Variants in REL observed in about 807,000 individuals in gnomAD.
REL encodes proto-oncogene c-Rel.
REL carries 15 observed loss-of-function variants against 45.9 expected under a neutral mutation model. The observed-to-expected ratio is 0.33, with a 90% CI of 0.22 to 0.50. The LOEUF (loss-of-function observed/expected upper bound fraction) is 0.50. REL is among the 20% of genes least tolerant of loss of function. REL has a pLI of 0.98. For missense variants in REL, 601 were observed against 715.2 expected, an observed-to-expected ratio of 0.84 and a Z score of 1.82; for synonymous variants, 239 against 242.1, an observed-to-expected ratio of 0.99 and a Z score of 0.12.
chr2:60,918,258 A>C lies in REL; in HGVS notation c.603A>C (p.Gly201=). The change falls in exon 6 of 10, where the codon GGA becomes GGC. Residue 201 remains glycine (G), a synonymous_variant. Transcript: ENST00000394479. ...AGAATTGTGGAAGTGTCAGAGGAGG[A>C]GATGAAATATTTCTACTTTGTGACA... The part of the protein sequence containing the change: ...VNKNCGSVRG[G]DEIFLLCDKV... The C allele has an allele frequency of 6.2e-7, 1 of 1,608,592 alleles. No individual in the cohort carries two copies. Among genetic ancestry groups the C allele is most frequent in the Non-Finnish European group, 8.5e-7 (1 of 1,176,258 alleles).
chr2:60,908,348 T>G (rs1231772802), intron 4 of REL, among the ~76,000 whole-genome samples: 1 of 152,212 alleles, frequency 6.6e-6, no homozygotes, highest in Non-Finnish European at 1.5e-5. Flanking sequence ...TAGTGTGTTT[T>G]AAGGCCGGCC....
intron 1 of REL, among the ~76,000 whole-genome samples, chr2:60,883,108 AAAGGC>A (rs1451095815): frequency 6.6e-6 from 1 of 152,154 alleles, no homozygotes; most frequent in Non-Finnish European, 1.5e-5. Flanking sequence ...CAGCGTGAGC[AAAGGC>A]AGGGAGGGCT....
chr2:60,912,567 A>T (rs1673849453), intron 4 of REL, among the ~76,000 whole-genome samples: 1 of 152,178 alleles, frequency 6.6e-6, no homozygotes, highest in Admixed American at 6.5e-5. Flanking sequence ...AATATAAAAG[A>T]TCTTCTGAAG....
In REL at chr2:60,930,616, A is replaced by T. The variant is rs1450653456; in HGVS notation, c.*8081A>T. The T allele has an allele frequency of 6.6e-6, 1 of 152,318 alleles. No individual in the cohort carries two copies. Among genetic ancestry groups the T allele is most frequent in the Non-Finnish European group, 1.5e-5 (1 of 68,026 alleles). 9.4% of individuals were successfully genotyped at this position (152,318 alleles called of 1,614,324 possible). A position where few individuals can be genotyped will look rare whatever the true frequency, so the allele number is the denominator to read the frequency against. ...AATCTTGAAAGTAATCATGTCTGTA[A>T]TGTTTTTCATGCATGCAAAAAGCAC... is the stretch of plus-strand genomic sequence containing the variant. On this transcript the variant is annotated 3_prime_UTR_variant, in exon 10 of 10. Transcript: ENST00000394479.
In REL at chr2:60,891,693, C is replaced by A; in HGVS notation, c.21C>A (p.Asn7Lys). MASGAY[N>K]PYIEIIEQPR... ...TTAAAAACTTTTCAGGTGCGTATAA[C>A]CCGTATATAGAGATAATTGAACAAC... The change falls in exon 2 of 10, where the codon AAC (asparagine) becomes AAA (lysine). Residue 7 changes from asparagine (N) to lysine (K), a missense_variant. This residue lies in a region of REL where 24 missense variants were observed against 18.2 expected (regional missense o/e 1.32). Coordinates refer to ENST00000394479, the MANE Select transcript of REL (RefSeq NM_001291746.2). 1 of 1,612,208 alleles carries A rather than the reference C, an allele frequency of 6.2e-7. No individual in the cohort carries two copies. The highest frequency in any genetic ancestry group is 1.3e-5 in the African/African-American group (1 of 74,936).
chr2:60,883,611 T>C (rs574843349), intron 1 of REL, among the ~76,000 whole-genome samples: 2 of 152,374 alleles, frequency 1.3e-5, no homozygotes, highest in African/African-American at 2.4e-5. Flanking sequence ...TCAAACTTTA[T>C]TGATATATTG....
intron 5 of REL, among the ~76,000 whole-genome samples, chr2:60,917,623 C>T (rs537193374): frequency 6.8e-6 from 1 of 147,134 alleles, no homozygotes; most frequent in African/African-American, 2.5e-5. Flanking sequence ...CAAATGCTGG[C>T]TCAAAGGATA....
chr2:60,900,899 C>A, intron 3 of REL, 93 bp from the exon 4 acceptor site: 1 of 1,034,632 alleles, frequency 9.7e-7, no homozygotes, highest in Non-Finnish European at 1.4e-6. Context: ...GTACAACTGA[C>A]AGCATGATAA....
At chr2:60,920,202 GTTGT>G (rs776544763) in intron 8 of REL, 93 bp downstream of exon 8, 116 of 1,091,394 alleles carry the variant, frequency 1.1e-4, no homozygotes, top group East Asian at 8.6e-4. Flanking sequence ...GTTTTGTTTT[GTTGT>G]TTGTTTGTTT....
rs1313998942 is a variant in REL at position 60,928,415 on chromosome 2, T to C, written c.*5880T>C. The C allele has an allele frequency of 1.3e-5, 2 of 151,598 alleles. No individual in the cohort carries two copies. Among genetic ancestry groups the C allele is most frequent in the Non-Finnish European group, 3.0e-5 (2 of 67,792 alleles). 9.4% of individuals were successfully genotyped at this position (151,598 alleles called of 1,614,324 possible). ...AGCTGGAGGCATCACACTACCTGAC[T>C]TCAAACTATACTACAAGGCTACAGT... On this transcript the variant is annotated 3_prime_UTR_variant, in exon 10 of 10. Transcript: ENST00000394479.
At position 60,922,431 on chromosome 2, in the gene REL, C is replaced by G. The variant is rs757632434; in HGVS notation, c.1660C>G (p.Pro554Ala). ...NESGPSNSTN[P>A]NSHGFVQDSQ... ...GTCGGGACCATCAAACAGTACTAAT[C>G]CAAACAGTCATGGTTTTGTTCAAGA... is the stretch of plus-strand genomic sequence containing the variant. The change falls in exon 10 of 10, where the codon CCA (proline) becomes GCA (alanine). Residue 554 changes from proline (P) to alanine (A), a missense_variant. Pro to Ala is a conservative substitution (Grantham distance 27). Transcript: ENST00000394479. 1.2e-6 allele frequency: 2 copies of G among 1,613,976 alleles called. No homozygotes were observed. The highest frequency in any genetic ancestry group is 2.7e-5 in the African/African-American group (2 of 75,016).
chr2:60,885,297 C>G (rs1461247059), intron 1 of REL, among the ~76,000 whole-genome samples: 1 of 152,158 alleles, frequency 6.6e-6, no homozygotes, highest in African/African-American at 2.4e-5. Context: ...TCATATTTAT[C>G]TGGGCCTCCT....
chr2:60,894,418 G>T lies in REL; in HGVS notation c.175G>T (p.Gly59Ter). ...TCAGATTATGAACTATTATGGAAAA[G>T]GAAAAGTGAGAATTACATTAGTAAC... ...SIQIMNYYGKGKVRITLVTKN... is the reference protein window; with the variant it reads ...SIQIMNYYGK The change falls in exon 3 of 10, where the codon GGA becomes TGA. Residue 59 changes from glycine (G) to a stop codon, truncating the protein, a stop_gained. Transcript: ENST00000394479. LOFTEE classifies it high-confidence loss of function. 1 of 1,564,442 alleles carries T rather than the reference G, an allele frequency of 6.4e-7. No individual in the cohort carries two copies. Among genetic ancestry groups the T allele is most frequent in the Non-Finnish European group, 8.7e-7 (1 of 1,149,050 alleles).
intron 4 of REL, among the ~76,000 whole-genome samples, chr2:60,909,361 A>T (rs917526241): frequency 6.6e-6 from 1 of 152,204 alleles, no homozygotes; most frequent in African/African-American, 2.4e-5. Flanking sequence ...ATTATTATAC[A>T]TAGGGGATAC....
intron 4 of REL, among the ~76,000 whole-genome samples, chr2:60,904,428 G>T (rs1048248889): frequency 6.6e-6 from 1 of 151,138 alleles, no homozygotes; most frequent in East Asian, 1.9e-4. Flanking sequence ...AAAATTAGCC[G>T]GGCGTGGTGG....
rs948867065 is a variant in REL, at chr2:60,926,766, A to G, written c.*4231A>G. On this transcript the variant is annotated 3_prime_UTR_variant, in exon 10 of 10. Coordinates refer to ENST00000394479, the MANE Select transcript of REL (RefSeq NM_001291746.2). ...GTATTGTATTCTTTTTCTCCATCACACTCATACTTAATCATCAAGTCCTTT... is the reference window on the plus strand; with the variant it reads ...GTATTGTATTCTTTTTCTCCATCACGCTCATACTTAATCATCAAGTCCTTT... 2.6e-5 allele frequency: 6 copies of G among 227,702 alleles called. No homozygotes were observed. The highest frequency in any genetic ancestry group is 5.2e-5 in the Non-Finnish European group (6 of 114,678). The allele number at this position is 227,702 out of a possible 1,614,324, so 14.1% of individuals were successfully genotyped here. A position where few individuals can be genotyped will look rare whatever the true frequency, so the allele number is the denominator to read the frequency against.
chr2:60,883,844 CTT>C (rs71402307), intron 1 of REL, among the ~76,000 whole-genome samples: 6 of 126,572 alleles, frequency 4.7e-5, no homozygotes, highest in South Asian at 2.6e-4. Context: ...GGGTGATTAA[CTT>C]TTTTTTTTTT....
intron 1 of REL, among the ~76,000 whole-genome samples, chr2:60,884,901 T>G (rs1037048743): frequency 3.9e-5 from 6 of 152,192 alleles, no homozygotes; most frequent in African/African-American, 1.4e-4. Context: ...TGAGGCAACT[T>G]AATCTTTAAT....
rs995584054 is a variant in REL at position 60,929,572 on chromosome 2, C to G, written c.*7037C>G. 51 of 150,304 alleles carry G rather than the reference C, an allele frequency of 3.4e-4. No individual in the cohort carries two copies. Among genetic ancestry groups the G allele is most frequent in the African/African-American group, 1.2e-3 (47 of 40,718 alleles). The allele number at this position is 150,304 out of a possible 1,614,324, so 9.3% of individuals were successfully genotyped here. ...CATTCTCAGTAAACTATCGCAAGAA[C>G]AAGAAACCAAACACCACATATTCTC... On this transcript the variant is annotated 3_prime_UTR_variant, in exon 10 of 10. Coordinates refer to ENST00000394479, the MANE Select transcript of REL (RefSeq NM_001291746.2).
Sources: allele counts gnomAD v4.1 joint callset (sites outside exome capture counted in the v4.1 genomes callset), GRCh38; gene constraint gnomAD v4.1.1; regional missense constraint gnomAD v4.1.1; transcripts MANE v1.5; gene names NCBI Gene and HGNC (gene_info 2026-07-23, HGNC 2026-07-21).